The following TENM2 variants were observed in gnomAD, a reference collection of about 807,000 sequenced individuals.
TENM2 encodes teneurin transmembrane protein 2, also known as teneurin-2.
A neutral mutation model predicts 245.2 loss-of-function variants in TENM2; 52 were observed. The ratio of observed to expected loss-of-function variants is 0.21; its 90% confidence interval spans 0.17 to 0.27. The LOEUF is 0.27. TENM2 is among the 10% of genes least tolerant of loss of function. The pLI, the probability that TENM2 is intolerant of heterozygous loss-of-function variation, is 1.00. For synonymous variants in TENM2, 1,363 were observed against 1,438.9 expected (o/e 0.95, Z 1.19); for missense variants, 3,046 against 3,666.8 (o/e 0.83, Z 4.37).
intron 1 of TENM2, among the ~76,000 whole-genome samples, chr5:167,328,604 C>G (rs892887577): frequency 2.6e-5 from 4 of 152,186 alleles, no homozygotes. Context: ...ATCTAAGCTG[C>G]CTCACTGGCC....
At chr5:167,777,913 G>A (rs912922683) in intron 2 of TENM2, among the ~76,000 whole-genome samples, 3 of 152,146 alleles carry the variant, frequency 2.0e-5, no homozygotes, top group African/African-American at 7.2e-5. Flanking sequence ...GAAAATTATA[G>A]TCCATGAGCC....
chr5:167,939,451 C>T (rs1293820957), intron 3 of TENM2, among the ~76,000 whole-genome samples: 1 of 152,114 alleles, frequency 6.6e-6, no homozygotes, highest in Admixed American at 6.6e-5. Flanking sequence ...GGTTGGGGAC[C>T]CCTGCTTTAC....
At chr5:167,969,211 G>C (rs897564497) in intron 4 of TENM2, among the ~76,000 whole-genome samples, 3 of 152,126 alleles carry the variant, frequency 2.0e-5, no homozygotes, top group Admixed American at 1.3e-4. Flanking sequence ...CAATTCCCAC[G>C]TGTTGTGGTA....
At chr5:168,182,333 A>C (rs1053467983) in intron 13 of TENM2, among the ~76,000 whole-genome samples, 1 of 152,230 alleles carries the variant, frequency 6.6e-6, no homozygotes, top group Non-Finnish European at 1.5e-5. Flanking sequence ...AGAGCAGGAA[A>C]TATCATTAAG....
intron 3 of TENM2, among the ~76,000 whole-genome samples, chr5:167,925,336 G>A (rs1386814084): frequency 6.6e-6 from 1 of 152,188 alleles, no homozygotes; most frequent in Non-Finnish European, 1.5e-5. Flanking sequence ...AACTTATGAT[G>A]ATAGAAATCA....
At chr5:167,467,922 T>A (rs986359842) in intron 2 of TENM2, among the ~76,000 whole-genome samples, 1 of 152,180 alleles carries the variant, frequency 6.6e-6, no homozygotes, top group Non-Finnish European at 1.5e-5. Context: ...TAAGCTGGCA[T>A]GTATTCTATT....
At chr5:167,585,076 A>C (rs2127691946) in intron 2 of TENM2, among the ~76,000 whole-genome samples, 1 of 152,328 alleles carries the variant, frequency 6.6e-6, no homozygotes, top group South Asian at 2.1e-4. Flanking sequence ...CACCTCCAAA[A>C]GACCACAAAT....
chr5:167,968,370 A>G (rs1480081904), intron 4 of TENM2, among the ~76,000 whole-genome samples: 1 of 152,158 alleles, frequency 6.6e-6, no homozygotes, highest in African/African-American at 2.4e-5. Context: ...GAGTGAGGAA[A>G]TACCTCCAAT....
chr5:167,196,441 A>AATATATATGTGTGTAT, the TENM2 span, among the ~76,000 whole-genome samples: 34 of 148,968 alleles, frequency 2.3e-4, no homozygotes, highest in Middle Eastern at 3.5e-3. Context: ...TTAGTTAGAA[A>AATATATATGTGTGTAT]ATATATATGT....
chr5:168,035,261 A>G (rs1202394654), intron 5 of TENM2, among the ~76,000 whole-genome samples: 1 of 152,204 alleles, frequency 6.6e-6, no homozygotes, highest in Non-Finnish European at 1.5e-5. Flanking sequence ...TAATCCCAGT[A>G]CTGTGGGAGC....
chr5:167,568,804 A>C (rs10475520), intron 2 of TENM2, among the ~76,000 whole-genome samples: 1 of 152,098 alleles, frequency 6.6e-6, no homozygotes, highest in Admixed American at 6.6e-5. Context: ...ATGTTGTTCC[A>C]GATTGTTTTA....
chr5:167,302,090 C>T (rs1270624308), intron 1 of TENM2, among the ~76,000 whole-genome samples: 1 of 152,078 alleles, frequency 6.6e-6, no homozygotes, highest in Non-Finnish European at 1.5e-5. Context: ...GCATTGGGAA[C>T]AGAGACTATG....
chr5:167,268,185 A>C, the TENM2 span, among the ~76,000 whole-genome samples: 1 of 152,306 alleles, frequency 6.6e-6, no homozygotes, highest in African/African-American at 2.4e-5. Flanking sequence ...AATTTGATGT[A>C]ATTGTGGCTG....
chr5:167,612,136 C>T (rs1009414390), intron 2 of TENM2, among the ~76,000 whole-genome samples: 1 of 152,094 alleles, frequency 6.6e-6, no homozygotes, highest in African/African-American at 2.4e-5. Flanking sequence ...GGATTCGAAT[C>T]GGAGTTCCAG....
At chr5:167,500,740 A>G (rs964880482) in intron 2 of TENM2, among the ~76,000 whole-genome samples, 7 of 152,088 alleles carry the variant, frequency 4.6e-5, no homozygotes, top group Non-Finnish European at 1.0e-4. Context: ...CTGGAAGAAA[A>G]TGGGATCCTC....
chr5:167,445,369 A>AGAGAGAGAGT lies in TENM2; in HGVS notation c.502+69897_502+69898insAGAGAGAGTG, dbSNP rs35699708. Among the ~76,000 whole-genome samples the AGAGAGAGAGT allele has an allele frequency of 9.4e-3, 922 of 98,382 alleles. 39 individuals carry two copies. The highest frequency in any genetic ancestry group is 0.034 in the East Asian group (82 of 2,438). The allele number at this position is 98,382 out of a possible 152,430, so 64.5% of individuals were successfully genotyped here. ...GAGAGAGAGAGAGAGAGAGAGAGAG[A>AGAGAGAGAGT]GTGTCAGGTGTTGTCTTGTTGTTGG... On this transcript the variant is annotated intron_variant, in intron 2 of 28. Transcript: ENST00000518659.
At chr5:167,477,257 A>G (rs1225553132) in intron 2 of TENM2, among the ~76,000 whole-genome samples, 1 of 99,220 alleles carries the variant, frequency 1.0e-5, no homozygotes, top group Non-Finnish European at 2.2e-5. Context: ...CTGTGAGTGA[A>G]TAATAGTAAA....
At chr5:167,142,768 T>C in the TENM2 span, among the ~76,000 whole-genome samples, 3 of 152,164 alleles carry the variant, frequency 2.0e-5, no homozygotes, top group Admixed American at 2.0e-4. Flanking sequence ...GCCAGGTTGG[T>C]CTCAAACTCC....
chr5:167,622,508 A>G (rs1778241592), intron 2 of TENM2, among the ~76,000 whole-genome samples: 1 of 152,138 alleles, frequency 6.6e-6, no homozygotes, highest in East Asian at 1.9e-4. Flanking sequence ...GAAAGAAGAA[A>G]GAATACATAG....
Sources: allele counts gnomAD v4.1 joint callset (sites outside exome capture counted in the v4.1 genomes callset), GRCh38; gene constraint gnomAD v4.1.1; transcripts MANE v1.5; gene names NCBI Gene and HGNC (gene_info 2026-07-23, HGNC 2026-07-21).